NELL1: variants seen among roughly 807,000 people sequenced by gnomAD.
The protein encoded by NELL1 is protein kinase C-binding protein NELL1.
NELL1 carries 76 observed loss-of-function variants against 107.4 expected under a neutral mutation model. The ratio of observed to expected loss-of-function variants is 0.71; its 90% CI spans 0.59 to 0.86. The LOEUF (loss-of-function observed/expected upper bound fraction) is 0.86, where lower values mean the gene tolerates loss of function less well. Among genes scored for constraint, NELL1 ranks in the 40% least tolerant of loss-of-function variants. The pLI is 0.00. For missense variants in NELL1, 1,024 were observed against 1,005.5 expected, an observed-to-expected ratio of 1.02 and a Z score of -0.25; for synonymous variants, 353 against 341.2, an observed-to-expected ratio of 1.03 and a Z score of -0.38.
intron 14 of NELL1, among the ~76,000 whole-genome samples, chr11:21,255,965 C>T (rs1333242731): frequency 1.3e-5 from 2 of 152,030 alleles, no homozygotes; most frequent in African/African-American, 2.4e-5. Context: ...TTCTTCCTTT[C>T]TCCTCCCATT....
rs187524822 is a variant in NELL1 at position 20,998,588 on chromosome 11, A to C, written c.1300+38028A>C. 5.9e-5 allele frequency among the ~76,000 whole-genome samples: 9 copies of C among 152,276 alleles called. No homozygotes were observed. In the East Asian group the frequency reaches 1.7e-3, roughly 29 times the overall value. The stretch of plus-strand genomic sequence containing the variant: ...ATTTATCATCTCTCCTAGGTGTGTA[A>C]GCACCTTGACACAAAATGCATCTTG... On this transcript the variant is annotated intron_variant, in intron 12 of 19. Transcript: ENST00000357134.
chr11:21,536,014 GATA>G (rs1264901140), intron 16 of NELL1, among the ~76,000 whole-genome samples: 57 of 152,284 alleles, frequency 3.7e-4, no homozygotes, highest in African/African-American at 1.4e-3. Flanking sequence ...AATTTTTACA[GATA>G]ATATTTGACA....
chr11:20,914,660 C>T (rs1056445766), intron 5 of NELL1, among the ~76,000 whole-genome samples: 100 of 152,062 alleles, frequency 6.6e-4, no homozygotes, highest in African/African-American at 2.2e-3. Context: ...ATGCCCTTGG[C>T]GGAGAGAAGG....
intron 14 of NELL1, among the ~76,000 whole-genome samples, chr11:21,267,721 T>A (rs1848662674): frequency 6.6e-6 from 1 of 152,106 alleles, no homozygotes; most frequent in Non-Finnish European, 1.5e-5. Flanking sequence ...TTAACTCTTG[T>A]CCATATGTTG....
Position 21,231,204 on chromosome 11 carries a change from A to G in NELL1, c.1549+1750A>G, listed in dbSNP as rs189501099. Reference sequence around the variant, plus strand: ...AGTTCAGAACAATATAGTATCATCAAATATCTAAGTTAATATTTATAAATA... The same window carrying G: ...AGTTCAGAACAATATAGTATCATCAGATATCTAAGTTAATATTTATAAATA... On this transcript the variant is annotated intron_variant, in intron 14 of 19. Coordinates refer to ENST00000357134, the MANE Select transcript of NELL1 (RefSeq NM_006157.5). 1.2e-4 allele frequency among the ~76,000 whole-genome samples: 19 copies of G among 152,282 alleles called. No individual in the cohort carries two copies. In the East Asian group the frequency reaches 3.7e-3, roughly 29 times the overall value.
chr11:20,906,832 T>C (rs1850010313), intron 5 of NELL1, among the ~76,000 whole-genome samples: 1 of 151,954 alleles, frequency 6.6e-6, no homozygotes, highest in African/African-American at 2.4e-5. Flanking sequence ...GAGCAACATG[T>C]GGAAACTTTC....
chr11:21,065,581 A>G (rs1000818677), intron 12 of NELL1, among the ~76,000 whole-genome samples: 1 of 152,146 alleles, frequency 6.6e-6, no homozygotes, highest in Non-Finnish European at 1.5e-5. Context: ...GTAACCTGGC[A>G]TTGGATTGCA....
intron 15 of NELL1, among the ~76,000 whole-genome samples, chr11:21,524,717 A>G (rs1259622783): frequency 1.3e-5 from 2 of 152,216 alleles, no homozygotes; most frequent in African/African-American, 4.8e-5. Flanking sequence ...GATTTTTACA[A>G]TAAGAATCAT....
At chr11:21,241,515 C>T (rs925052074) in intron 14 of NELL1, among the ~76,000 whole-genome samples, 8 of 152,096 alleles carry the variant, frequency 5.3e-5, no homozygotes, top group Non-Finnish European at 8.8e-5. Context: ...TCTGCTTGGT[C>T]CAGATGCTTC....
At chr11:21,281,755 G>C (rs1364871455) in intron 14 of NELL1, among the ~76,000 whole-genome samples, 1 of 152,162 alleles carries the variant, frequency 6.6e-6, no homozygotes, top group Admixed American at 6.6e-5. Flanking sequence ...GTCTCTGCAT[G>C]GTAATCCAGA....
intron 13 of NELL1, among the ~76,000 whole-genome samples, chr11:21,188,105 A>G (rs1856971716): frequency 6.6e-6 from 1 of 151,908 alleles, no homozygotes; most frequent in Admixed American, 6.6e-5. Flanking sequence ...ACTATAAAAA[A>G]AGAATTGCAT....
At position 21,052,701 on chromosome 11, in the gene NELL1, G is replaced by T. The variant is rs114381534; in HGVS notation, c.1301-60888G>T. Among the ~76,000 whole-genome samples the T allele has an allele frequency of 2.4e-3, 366 of 152,214 alleles. 1 individual carries two copies. The highest frequency in any genetic ancestry group is 8.6e-3 in the African/African-American group (357 of 41,554). ...TGCATTTAGTTTGGTCACTGATGAG[G>T]TTGCTGAGGTCTGAGTGAGGAGAAG... On this transcript the variant is annotated intron_variant, in intron 12 of 19. Transcript: ENST00000357134.
intron 14 of NELL1, among the ~76,000 whole-genome samples, chr11:21,276,702 A>G (rs1848871211): frequency 6.6e-6 from 1 of 152,200 alleles, no homozygotes; most frequent in Admixed American, 6.5e-5. Flanking sequence ...AAACAGAGAT[A>G]TAGACCAATG....
At chr11:20,741,641 G>A (rs902989505) in intron 2 of NELL1, among the ~76,000 whole-genome samples, 2 of 152,090 alleles carry the variant, frequency 1.3e-5, no homozygotes, top group East Asian at 1.9e-4. Context: ...TCCTTAAAGA[G>A]GGATTGCTAG....
chr11:20,786,033 GA>G lies in NELL1; in HGVS notation c.335+2205del, dbSNP rs201049288. Among the ~76,000 whole-genome samples, 228 of 110,336 alleles carry G rather than the reference GA, an allele frequency of 2.1e-3. 5 individuals carry two copies. Among genetic ancestry groups the G allele is most frequent in the East Asian group, 6.8e-3 (24 of 3,538 alleles). 72.4% of individuals were successfully genotyped at this position (110,336 alleles called of 152,430 possible). On this transcript the variant is annotated intron_variant, in intron 3 of 19. Coordinates refer to ENST00000357134, the MANE Select transcript of NELL1 (RefSeq NM_006157.5). ...TTTTCATTGTAATAGAAAAACTTCA[GA>G]ATTTTTTTTTTTTTTTTTTGAGAAA...
chr11:21,019,209 G>A (rs1852641314), intron 12 of NELL1, among the ~76,000 whole-genome samples: 1 of 152,082 alleles, frequency 6.6e-6, no homozygotes. Context: ...CTCCTAGGGT[G>A]TGTTAGTCTG....
chr11:21,304,338 A>G lies in NELL1; in HGVS notation c.1550-66515A>G, dbSNP rs191666941. On this transcript the variant is annotated intron_variant, in intron 14 of 19. Coordinates refer to ENST00000357134, the MANE Select transcript of NELL1 (RefSeq NM_006157.5). ...TGTAATTATCTTCATTACCTAGATA[A>G]CAAAGTCTTAGGAATTGTTACTTTC... 1.2e-3 allele frequency among the ~76,000 whole-genome samples: 175 copies of G among 152,116 alleles called. 3 individuals are homozygous for G. Among genetic ancestry groups the G allele is most frequent in the African/African-American group, 3.9e-3 (163 of 41,518 alleles).
intron 15 of NELL1, among the ~76,000 whole-genome samples, chr11:21,422,269 A>G (rs1431948666): frequency 1.3e-5 from 2 of 152,220 alleles, no homozygotes; most frequent in Non-Finnish European, 2.9e-5. Flanking sequence ...AATGTAATGC[A>G]AAACTCCATG....
chr11:21,138,619 G>A (rs921316817), intron 13 of NELL1, among the ~76,000 whole-genome samples: 3 of 152,180 alleles, frequency 2.0e-5, no homozygotes, highest in African/African-American at 4.8e-5. Flanking sequence ...GGTTTGAGAT[G>A]TCAATAAACA....
Sources: gnomAD v4.1 joint callset for allele counts (sites outside exome capture counted in the v4.1 genomes callset) on GRCh38, gnomAD v4.1.1 for gene constraint, MANE v1.5 for transcripts, NCBI Gene and HGNC (gene_info 2026-07-23, HGNC 2026-07-21) for gene names.